AHCY: variants seen among roughly 807,000 people sequenced by gnomAD.
AHCY encodes the protein S-adenosyl-L-homocysteine hydrolase.
A neutral mutation model predicts 45.4 loss-of-function variants in AHCY; 24 were observed. That is an observed-to-expected ratio of 0.53 (90% CI 0.38 to 0.74). The LOEUF is 0.74. Ranked by LOEUF, AHCY falls within the 30% of genes least tolerant of loss-of-function variation. The pLI is 0.00. For synonymous variants in AHCY, 245 were observed against 235.1 expected, an observed-to-expected ratio of 1.04 and a Z score of -0.39; for missense variants, 449 against 594.1, an observed-to-expected ratio of 0.76 and a Z score of 2.54.
chr20:34,235,268 C>T, the AHCY span, among the ~76,000 whole-genome samples: 2 of 152,146 alleles, frequency 1.3e-5, no homozygotes, highest in East Asian at 1.9e-4. Flanking sequence ...TGTGAAACCC[C>T]GTCTCTACTA....
chr20:34,305,459 C>T (rs555347129), upstream of AHCY, among the ~76,000 whole-genome samples: 1 of 152,072 alleles, frequency 6.6e-6, no homozygotes. Context: ...CCTGAGGGAA[C>T]GAGGGTCCAC....
At chr20:34,303,424 G>C (rs1214024792), upstream of AHCY, 1 of 1,141,880 alleles carries the variant, frequency 8.8e-7, no homozygotes, top group Non-Finnish European at 1.3e-6. Flanking sequence ...CGCTGGGGCG[G>C]GGCCCAACGC....
At chr20:34,235,897 G>GC in the AHCY span, among the ~76,000 whole-genome samples, 7 of 65,006 alleles carry the variant, frequency 1.1e-4, no homozygotes, top group African/African-American at 1.1e-3. Context: ...AAGGAAGGAA[G>GC]GAAAGGAAGG....
At chr20:34,275,124 CTATTT>C in the AHCY span, among the ~76,000 whole-genome samples, 1 of 138,734 alleles carries the variant, frequency 7.2e-6, no homozygotes, top group East Asian at 2.2e-4. Flanking sequence ...CCCAAGTTCT[CTATTT>C]TCTTTTTTTT....
At chr20:34,258,673 C>CTATATATATATATATATATATATATATA in the AHCY span, among the ~76,000 whole-genome samples, 1 of 4,606 alleles carries the variant, frequency 2.2e-4, no homozygotes, top group Non-Finnish European at 6.0e-4. Context: ...AAGGGGGATG[C>CTATATATATATATATATATATATATATA]CATATATATA....
chr20:34,298,175 G>A (rs1193881737), intron 1 of AHCY, among the ~76,000 whole-genome samples: 3 of 152,004 alleles, frequency 2.0e-5, no homozygotes, highest in Non-Finnish European at 4.4e-5. Context: ...TGTCCTGTGG[G>A]CGGCAAGCCA....
the AHCY span, among the ~76,000 whole-genome samples, chr20:34,254,045 CTGTT>C: frequency 3.3e-5 from 5 of 151,898 alleles, no homozygotes. Flanking sequence ...CATTATTGTC[CTGTT>C]TTTTTGTTTT....
chr20:34,277,747 T>C (rs1601628955), downstream of AHCY, among the ~76,000 whole-genome samples: 2 of 93,568 alleles, frequency 2.1e-5, no homozygotes, highest in African/African-American at 9.4e-5. Flanking sequence ...AGAGCAAGAC[T>C]CCATCTCAAA....
rs200709654 is a variant in AHCY at position 34,295,494 on chromosome 20, C to T, written c.120G>A (p.Ser40=). The T allele has an allele frequency of 3.1e-6, 5 of 1,614,018 alleles. No individual in the cohort carries two copies. The highest frequency in any genetic ancestry group is 2.2e-5 in the East Asian group (1 of 44,872). ...GGGCGCCCTTCAGTGGCTTGGAGGCCGAGTACCGCTCCCGCATACGCATCA... is the reference window on the plus strand; with the variant it reads ...GGGCGCCCTTCAGTGGCTTGGAGGCTGAGTACCGCTCCCGCATACGCATCA... ...PGLMRMRERY[S]ASKPLKGARI... The change falls in exon 2 of 10, where the codon TCG becomes TCA. Residue 40 remains serine (S), a synonymous_variant. Coordinates refer to ENST00000217426, the MANE Select transcript of AHCY (RefSeq NM_000687.4).
the AHCY span, among the ~76,000 whole-genome samples, chr20:34,243,943 T>C: frequency 6.6e-6 from 1 of 152,090 alleles, no homozygotes; most frequent in African/African-American, 2.4e-5. Context: ...CGGGCGCCTG[T>C]AGTCCCAGCT....
In AHCY at chr20:34,291,400, TCACTG is replaced by T. The variant is rs768546692; in HGVS notation, c.558+14_558+18del. On this transcript the variant is annotated intron_variant, in intron 5 of 9. Transcript: ENST00000217426. ...GCTGCAGCCACTGTAGCGGGAGCTG[TCACTG>T]CCCCTCGGCTCACCTTGGTGACGGA... 3.1e-6 allele frequency: 5 copies of T among 1,606,272 alleles called. No individual in the cohort carries two copies. In the African/African-American group the frequency reaches 6.7e-5, roughly 21 times the overall value.
chr20:34,305,053 C>T (rs1275631891), upstream of AHCY, among the ~76,000 whole-genome samples: 3 of 150,636 alleles, frequency 2.0e-5, no homozygotes, highest in Admixed American at 6.6e-5. Context: ...GCGTGGCTCA[C>T]GCCTGTAATC....
chr20:34,303,295 G>A lies in AHCY; in HGVS notation c.-25C>T, dbSNP rs202121647. On this transcript the variant is annotated 5_prime_UTR_variant, in exon 1 of 10. Coordinates refer to ENST00000217426, the MANE Select transcript of AHCY (RefSeq NM_000687.4). ...TGCTGGCGGCACTCGTGATGGAAAC[G>A]GGCGAAGGGGGCTGGGCCTCAGTCT... The A allele has an allele frequency of 1.5e-5, 24 of 1,551,734 alleles. No individual in the cohort carries two copies. In the African/African-American group the frequency reaches 3.0e-4, roughly 19 times the overall value.
intron 9 of AHCY, 120 bp downstream of exon 9, chr20:34,285,320 C>A (rs1197409022): frequency 3.3e-5 from 36 of 1,081,006 alleles, no homozygotes; most frequent in South Asian, 3.2e-4. Context: ...CTGTAGAGGA[C>A]CCCATGAGGG....
chr20:34,303,210 C>G (rs777441583), intron 1 of AHCY, 33 bp downstream of exon 1: 46 of 1,550,818 alleles, frequency 3.0e-5, no homozygotes, highest in Non-Finnish European at 3.8e-5. Context: ...GGGTGCCGGG[C>G]GGCCGCAACC....
At chr20:34,285,309 A>T in intron 9 of AHCY, 131 bp downstream of exon 9, 2 of 951,176 alleles carry the variant, frequency 2.1e-6, no homozygotes, top group Non-Finnish European at 3.3e-6. Context: ...TGACTTCTGC[A>T]CTGTAGAGGA....
At chr20:34,264,475 G>A in the AHCY span, among the ~76,000 whole-genome samples, 1 of 152,120 alleles carries the variant, frequency 6.6e-6, no homozygotes, top group Admixed American at 6.6e-5. Context: ...TGTAAACCTT[G>A]AGTAGTACCA....
chr20:34,294,765 T>G (rs920097890), intron 2 of AHCY, among the ~76,000 whole-genome samples: 3 of 152,142 alleles, frequency 2.0e-5, no homozygotes, highest in African/African-American at 7.2e-5. Context: ...GATATGCCAG[T>G]CTTGAGTTCC....
chr20:34,266,401 G>A, the AHCY span, among the ~76,000 whole-genome samples: 6 of 152,004 alleles, frequency 3.9e-5, no homozygotes, highest in Admixed American at 1.3e-4. Context: ...GGCCAGGCAC[G>A]GTGGCTCATA....
Sources: allele counts gnomAD v4.1 joint callset (sites outside exome capture counted in the v4.1 genomes callset), GRCh38; gene constraint gnomAD v4.1.1; transcripts MANE v1.5; gene names NCBI Gene and HGNC (gene_info 2026-07-23, HGNC 2026-07-21).